TLR1: variants seen among roughly 807,000 people sequenced by gnomAD.
TLR1 encodes toll-like receptor 1.
Under a neutral mutation model 20.2 loss-of-function variants are expected in TLR1, and 19 were observed. The observed-to-expected ratio is 0.94, with a 90% confidence interval of 0.66 to 1.38. The LOEUF (loss-of-function observed/expected upper bound fraction) is 1.38, where lower values mean the gene tolerates loss of function less well. TLR1 is among the 40% of genes most tolerant of loss of function. The probability of loss-of-function intolerance (pLI) is 0.00; values close to 1 mark genes in which losing one functional copy is unlikely to be tolerated. For synonymous variants in TLR1, 320 were observed against 334.5 expected (o/e 0.96, Z 0.47); for missense variants, 921 against 910.0 (o/e 1.01, Z -0.16).
In TLR1 at chr4:38,796,903, A is replaced by G; in HGVS notation, c.1929T>C (p.Tyr643=). 6.2e-7 allele frequency: 1 copy of G among 1,614,216 alleles called. No individual in the cohort carries two copies. The highest frequency in any genetic ancestry group is 1.1e-5 in the South Asian group (1 of 91,076). ...TCACCCAGAAAGAATCGTGCCCACT[A>G]TATGAAATAAATGCATGAAACTGGA... ...RNLQFHAFIS[Y]SGHDSFWVKN... The change falls in exon 4 of 4, where the codon TAT becomes TAC. Residue 643 remains tyrosine, a synonymous_variant. Transcript: ENST00000308979.
At chr4:38,799,006 G>A (rs1726440869) in intron 3 of TLR1, 108 bp from the exon 4 acceptor site, 4 of 539,588 alleles carry the variant, frequency 7.4e-6, no homozygotes, top group South Asian at 2.9e-5. Context: ...CTTATAAAGT[G>A]GAGGCTACAT....
Position 38,796,402 on chromosome 4 carries a change from A to G in TLR1, c.*69T>C, listed in dbSNP as rs1370278094. 1.3e-6 allele frequency: 2 copies of G among 1,531,436 alleles called. No individual in the cohort carries two copies. The highest frequency in any genetic ancestry group is 1.8e-6 in the Non-Finnish European group (2 of 1,128,884). The allele number at this position is 1,531,436 out of a possible 1,614,324, so 94.9% of individuals were successfully genotyped here. ...GTTTACATCTATGCTGATGCAAAAT[A>G]AAGTCATTGTTGGAACTTCCAAAAG... is the stretch of plus-strand genomic sequence containing the variant. On this transcript the variant is annotated 3_prime_UTR_variant, in exon 4 of 4. Transcript: ENST00000308979.
At chr4:38,801,849 C>T (rs190184314) in intron 2 of TLR1, among the ~76,000 whole-genome samples, 2 of 152,148 alleles carry the variant, frequency 1.3e-5, no homozygotes, top group Admixed American at 6.5e-5. Context: ...AGGAGAGGGG[C>T]CCCCCAACCA....
downstream of TLR1, among the ~76,000 whole-genome samples, chr4:38,792,832 A>T (rs1725788526): frequency 8.1e-6 from 1 of 123,680 alleles, no homozygotes; most frequent in African/African-American, 3.1e-5. Flanking sequence ...TGACAGATCA[A>T]AGAGCATGAG....
rs1281021348 is a variant in TLR1 at position 38,798,586 on chromosome 4, C to T, written c.246G>A (p.Gln82=). Residue 82 remains glutamine, a synonymous_variant, in exon 4 of 4, where the codon CAG becomes CAA. Coordinates refer to ENST00000308979, the MANE Select transcript of TLR1 (RefSeq NM_003263.4). ...RILIISHNRI[Q]YLDISVFKFN... Reference sequence around the variant, plus strand: ...ATTTGAAAACACTGATATCAAGATACTGGATTCTATTATGAGAAATTATCA... The same window carrying T: ...ATTTGAAAACACTGATATCAAGATATTGGATTCTATTATGAGAAATTATCA... The T allele has an allele frequency of 6.2e-7, 1 of 1,614,084 alleles. No individual in the cohort carries two copies. The highest frequency in any genetic ancestry group is 1.1e-5 in the South Asian group (1 of 91,074).
chr4:38,791,476 G>C (rs540543325), downstream of TLR1, among the ~76,000 whole-genome samples: 8 of 152,216 alleles, frequency 5.3e-5, no homozygotes, highest in African/African-American at 1.7e-4. Context: ...TTTTATCTAT[G>C]ATATTTGCTA....
intron 2 of TLR1, among the ~76,000 whole-genome samples, chr4:38,803,825 C>T (rs1172797891): frequency 6.6e-6 from 1 of 152,172 alleles, no homozygotes; most frequent in Non-Finnish European, 1.5e-5. Flanking sequence ...TAAAATGCCT[C>T]TAGGTGAGCT....
At chr4:38,803,288 G>A (rs5743576) in intron 2 of TLR1, among the ~76,000 whole-genome samples, 2,766 of 152,188 alleles carry the variant, frequency 0.018, 76 homozygotes, top group African/African-American at 0.061. Context: ...ACCTGGCCCT[G>A]GGCGTGACAC....
chr4:38,797,811 T>G lies in TLR1; in HGVS notation c.1021A>C (p.Met341Leu). The G allele has an allele frequency of 6.2e-7, 1 of 1,614,192 alleles. No individual in the cohort carries two copies. Among genetic ancestry groups the G allele is most frequent in the East Asian group, 2.2e-5 (1 of 44,882 alleles). ...FTVSGTRMVH[M>L]LCPSKISPFL... ...GGGCTAATTTTGGATGGGCAAAGCATGTGGACCATGCGTGTACCAGACACT... is the reference window on the plus strand; with the variant it reads ...GGGCTAATTTTGGATGGGCAAAGCAGGTGGACCATGCGTGTACCAGACACT... The change falls in exon 4 of 4, where the codon ATG (methionine) becomes CTG (leucine). Residue 341 changes from methionine to leucine, a missense_variant. Transcript: ENST00000308979.
downstream of TLR1, chr4:38,796,190 A>G: frequency 2.6e-6 from 1 of 389,972 alleles, no homozygotes; most frequent in Non-Finnish European, 4.6e-6. Context: ...GAAGAAAAAC[A>G]GGTGCTTCCC....
At chr4:38,791,447 A>T (rs1281377184), downstream of TLR1, among the ~76,000 whole-genome samples, 1 of 152,144 alleles carries the variant, frequency 6.6e-6, no homozygotes, top group Non-Finnish European at 1.5e-5. Context: ...TTATTCTATT[A>T]GTTCTTGATA....
Position 38,796,660 on chromosome 4 carries a change from A to T in TLR1, c.2172T>A (p.Asn724Lys). 6.2e-7 allele frequency: 1 copy of T among 1,614,218 alleles called. No individual in the cohort carries two copies. The highest frequency in any genetic ancestry group is 8.5e-7 in the Non-Finnish European group (1 of 1,180,036). Residue 724 changes from asparagine to lysine, a missense_variant, in exon 4 of 4, where the codon AAT becomes AAA. Physicochemically the swap from Asn to Lys is moderately conservative, Grantham distance 94. Transcript: ENST00000308979. ...GTTCCAGCAAGATCAGGATTAAGCT[A>T]TTAGATCCTTCATGAAAGAGATTGT... ...AHHNLFHEGS[N>K]SLILILLEPI...
chr4:38,799,969 C>T (rs991955001), intron 3 of TLR1, among the ~76,000 whole-genome samples: 1 of 152,096 alleles, frequency 6.6e-6, no homozygotes, highest in Non-Finnish European at 1.5e-5. Flanking sequence ...AATGACTAAA[C>T]TCAAGTTCCT....
chr4:38,792,954 A>C (rs1055000776), downstream of TLR1, among the ~76,000 whole-genome samples: 1 of 151,184 alleles, frequency 6.6e-6, no homozygotes, highest in Non-Finnish European at 1.5e-5. Context: ...TAGCAGGCTG[A>C]TAAAATGGAA....
Position 38,798,471 on chromosome 4 carries a change from G to T in TLR1, c.361C>A (p.Leu121Met), listed in dbSNP as rs773836513. The T allele has an allele frequency of 6.2e-7, 1 of 1,614,042 alleles. No homozygotes were observed. Among genetic ancestry groups the T allele is most frequent in the Non-Finnish European group, 8.5e-7 (1 of 1,179,984 alleles). Residue 121 changes from leucine to methionine, a missense_variant, in exon 4 of 4, where the codon CTG (leucine) becomes ATG (methionine). Coordinates refer to ENST00000308979, the MANE Select transcript of TLR1 (RefSeq NM_003263.4). ...HPTVNLKHLD[L>M]SFNAFDALPI... is the part of the protein sequence containing the mutation. ...AGGGCATCAAATGCATTAAATGACAGGTCCAAGTGCTTGAGGTTCACAGTA... is the reference window on the plus strand; with the variant it reads ...AGGGCATCAAATGCATTAAATGACATGTCCAAGTGCTTGAGGTTCACAGTA...
downstream of TLR1, among the ~76,000 whole-genome samples, chr4:38,787,945 C>T (rs745883913): frequency 1.3e-5 from 2 of 152,190 alleles, no homozygotes; most frequent in Admixed American, 6.5e-5. Flanking sequence ...CCCTGACTCC[C>T]GCTCCCACTT....
In TLR1 at chr4:38,797,729, C is replaced by T; in HGVS notation, c.1103G>A (p.Cys368Tyr). The T allele has an allele frequency of 6.2e-7, 1 of 1,613,632 alleles. No individual in the cohort carries two copies. The highest frequency in any genetic ancestry group is 8.5e-7 in the Non-Finnish European group (1 of 1,179,904). Residue 368 changes from cysteine to tyrosine, a missense_variant, in exon 4 of 4, where the codon TGT becomes TAT. Transcript: ENST00000308979. ...NLLTDTVFEN[C>Y]GHLTELETLI... The stretch of plus-strand genomic sequence containing the variant: ...TGTCTCCAACTCAGTAAGGTGCCCA[C>T]AATTTTCAAAAACCGTGTCTGTTAA...
At position 38,796,987 on chromosome 4, in the gene TLR1, C is replaced by T; in HGVS notation, c.1845G>A (p.Gln615=). Residue 615 remains glutamine, a synonymous_variant, in exon 4 of 4, where the codon CAG becomes CAA. Transcript: ENST00000308979. Reference sequence around the variant, plus strand: ...TGGCCCTGCGCCGGGTCTGGGTCCACTGGCACACCATCCTGAGATACCAGG... The same window carrying T: ...TGGCCCTGCGCCGGGTCTGGGTCCATTGGCACACCATCCTGAGATACCAGG... The part of the protein sequence containing the change: ...DLPWYLRMVC[Q]WTQTRRRARN... 6.2e-7 allele frequency: 1 copy of T among 1,614,210 alleles called. No individual in the cohort carries two copies. Among genetic ancestry groups the T allele is most frequent in the African/African-American group, 1.3e-5 (1 of 75,038 alleles).
At chr4:38,796,213 T>C (rs1726040138), downstream of TLR1, 1 of 440,318 alleles carries the variant, frequency 2.3e-6, no homozygotes, top group Non-Finnish European at 4.0e-6. Context: ...GACTTCATGA[T>C]AAATTCAGAA....
Sources: gnomAD v4.1 joint callset for allele counts (sites outside exome capture counted in the v4.1 genomes callset) on GRCh38, gnomAD v4.1.1 for gene constraint, MANE v1.5 for transcripts, NCBI Gene and HGNC (gene_info 2026-07-23, HGNC 2026-07-21) for gene names.